Variants in EML6 observed in about 807,000 individuals in gnomAD.
The protein encoded by EML6 is EMAP like 6.
EML6 carries 154 observed loss-of-function variants against 240.1 expected under a neutral mutation model. The ratio of observed to expected loss-of-function variants is 0.64; its 90% CI spans 0.56 to 0.73. EML6 has a LOEUF of 0.73. Among genes scored for constraint, EML6 ranks in the 30% least tolerant of loss-of-function variants. The pLI is 0.00. For synonymous variants in EML6, 1,148 were observed against 899.0 expected (o/e 1.28, Z -4.95); for missense variants, 2,964 against 2,474.6 (o/e 1.20, Z -4.20).
intron 7 of EML6, among the ~76,000 whole-genome samples, chr2:54,838,148 C>G (rs914516951): frequency 5.3e-5 from 8 of 152,190 alleles, no homozygotes; most frequent in Admixed American, 3.9e-4. Context: ...AACTAAGACT[C>G]TAGGAAAGGC....
chr2:54,904,037 T>C (rs1673192659), intron 24 of EML6, among the ~76,000 whole-genome samples: 1 of 152,250 alleles, frequency 6.6e-6, no homozygotes, highest in East Asian at 1.9e-4. Context: ...AGGATTTGTC[T>C]ATTTAATAAC....
chr2:54,776,127 G>A (rs933447143), intron 2 of EML6, among the ~76,000 whole-genome samples: 1 of 152,044 alleles, frequency 6.6e-6, no homozygotes. Context: ...TTATTTTGTT[G>A]TTGTTGTTGT....
intron 2 of EML6, among the ~76,000 whole-genome samples, chr2:54,772,093 C>T (rs543062528): frequency 6.6e-6 from 1 of 152,174 alleles, no homozygotes; most frequent in Non-Finnish European, 1.5e-5. Context: ...GAGCAGTTTT[C>T]ATGAATCCCG....
At chr2:54,905,504 T>G (rs1030690608) in intron 24 of EML6, among the ~76,000 whole-genome samples, 1 of 152,146 alleles carries the variant, frequency 6.6e-6, no homozygotes, top group East Asian at 1.9e-4. Flanking sequence ...AAATTTTGAC[T>G]GGGAAGATTT....
Position 54,910,880 on chromosome 2 carries a change from C to G in EML6, c.3410-74C>G, listed in dbSNP as rs1189320061. The G allele has an allele frequency of 7.1e-6, 5 of 705,762 alleles. No individual in the cohort carries two copies. The African/African-American group carries it at 8.9e-5, about 13-fold the overall frequency. The allele number at this position is 705,762 out of a possible 1,614,324, so 43.7% of individuals were successfully genotyped here. ...TGATTAAAATGAATCAAAATAGCAC[C>G]CATGCTTCTCATTTTATAATAAAGA... On this transcript the variant is annotated intron_variant, in intron 24 of 41. Coordinates refer to ENST00000356458, the MANE Select transcript of EML6 (RefSeq NM_001039753.4).
intron 5 of EML6, among the ~76,000 whole-genome samples, chr2:54,826,214 A>G (rs1003665785): frequency 1.3e-5 from 2 of 152,168 alleles, no homozygotes; most frequent in Non-Finnish European, 2.9e-5. Context: ...GGAGATGACC[A>G]TCCTGTCTAC....
At chr2:54,835,614 G>T (rs1432243148) in intron 7 of EML6, among the ~76,000 whole-genome samples, 1 of 152,174 alleles carries the variant, frequency 6.6e-6, no homozygotes, top group African/African-American at 2.4e-5. Flanking sequence ...AGAGGTAGGA[G>T]CCCAGGTGGT....
chr2:54,805,494 C>G (rs1395784779), intron 2 of EML6, among the ~76,000 whole-genome samples: 1 of 152,034 alleles, frequency 6.6e-6, no homozygotes, highest in African/African-American at 2.4e-5. Flanking sequence ...TTTAGTTGTC[C>G]TTAACATTGT....
intron 2 of EML6, among the ~76,000 whole-genome samples, chr2:54,778,817 G>A (rs1471707496): frequency 6.7e-6 from 1 of 149,378 alleles, no homozygotes; most frequent in Non-Finnish European, 1.5e-5. Flanking sequence ...GCATGAACCT[G>A]GGCGGTGGAG....
chr2:54,760,334 A>G (rs1339223512), intron 2 of EML6, among the ~76,000 whole-genome samples: 2 of 151,878 alleles, frequency 1.3e-5, no homozygotes, highest in Non-Finnish European at 2.9e-5. Flanking sequence ...CTTTATATTC[A>G]CGTACTACCC....
rs148572558 is a variant in EML6, at chr2:54,892,337, C to T, written c.2540-117C>T. 1.6e-4 allele frequency: 104 copies of T among 651,114 alleles called. No individual in the cohort carries two copies. In the East Asian group the frequency reaches 2.3e-3, roughly 15 times the overall value. The allele number at this position is 651,114 out of a possible 1,614,324, so 40.3% of individuals were successfully genotyped here. A position where few individuals can be genotyped will look rare whatever the true frequency, so the allele number is the denominator to read the frequency against. Reference sequence around the variant, plus strand: ...CATGATGTTCTCTGTCACTTTTAGACATCTTTACATAAATACCTAATGAGA... The same window carrying T: ...CATGATGTTCTCTGTCACTTTTAGATATCTTTACATAAATACCTAATGAGA... On this transcript the variant is annotated intron_variant, in intron 18 of 41. Transcript: ENST00000356458.
intron 2 of EML6, among the ~76,000 whole-genome samples, chr2:54,754,787 T>C (rs1252440857): frequency 6.6e-6 from 1 of 152,180 alleles, no homozygotes; most frequent in Non-Finnish European, 1.5e-5. Flanking sequence ...TCCTATGTAA[T>C]CTTCTCAAAA....
chr2:54,800,138 G>A (rs932681531), intron 2 of EML6, among the ~76,000 whole-genome samples: 1 of 152,080 alleles, frequency 6.6e-6, no homozygotes, highest in Non-Finnish European at 1.5e-5. Context: ...CCAGCTACTC[G>A]GGAGGCTGAG....
intron 28 of EML6, among the ~76,000 whole-genome samples, chr2:54,948,096 G>C (rs1383379068): frequency 6.6e-6 from 1 of 152,014 alleles, no homozygotes; most frequent in African/African-American, 2.4e-5. Flanking sequence ...GTTCTTTCTC[G>C]ACCCATCCAT....
intron 11 of EML6, 33 bp downstream of exon 11, chr2:54,853,888 G>T: frequency 1.4e-6 from 2 of 1,421,582 alleles, no homozygotes; most frequent in Non-Finnish European, 1.9e-6. Context: ...ATTGCATAAA[G>T]ATTTACTCTA....
intron 28 of EML6, among the ~76,000 whole-genome samples, chr2:54,937,456 G>A (rs144061849): frequency 1.4e-5 from 2 of 144,014 alleles, no homozygotes; most frequent in African/African-American, 5.1e-5. Flanking sequence ...GGGAGGCTGA[G>A]ATAAAAGGAT....
intron 33 of EML6, among the ~76,000 whole-genome samples, 176 bp from the exon 34 acceptor site, chr2:54,958,928 T>A (rs1033699698): frequency 3.3e-5 from 5 of 152,182 alleles, no homozygotes; most frequent in African/African-American, 1.2e-4. Context: ...GTGACTGCCT[T>A]GTGATGTGCT....
chr2:54,754,476 C>T (rs988558765), intron 2 of EML6, among the ~76,000 whole-genome samples: 2 of 152,122 alleles, frequency 1.3e-5, no homozygotes, highest in African/African-American at 4.8e-5. Flanking sequence ...CATTTTGATA[C>T]CCTCTTTTGT....
intron 2 of EML6, among the ~76,000 whole-genome samples, chr2:54,744,921 C>A (rs1683838441): frequency 1.1e-5 from 1 of 94,014 alleles, no homozygotes; most frequent in Non-Finnish European, 2.5e-5. Context: ...CACACACACA[C>A]ACACACACAC....
Sources: gnomAD v4.1 joint callset for allele counts (sites outside exome capture counted in the v4.1 genomes callset) on GRCh38, gnomAD v4.1.1 for gene constraint, MANE v1.5 for transcripts, NCBI Gene and HGNC (gene_info 2026-07-23, HGNC 2026-07-21) for gene names.